Variants in PGM2L1 observed in about 807,000 individuals in gnomAD.
PGM2L1 encodes the protein phosphoglucomutase 2 like 1, also known as glucose 1,6-bisphosphate synthase.
PGM2L1 carries 35 observed loss-of-function variants against 73.4 expected under a neutral mutation model. That is an observed-to-expected ratio of 0.48 (90% CI 0.36 to 0.63). The LOEUF (loss-of-function observed/expected upper bound fraction) is 0.63, where lower values mean the gene tolerates loss of function less well. Among genes scored for constraint, PGM2L1 ranks in the 30% least tolerant of loss-of-function variants. The pLI is 0.00. For missense variants in PGM2L1, 570 were observed against 742.0 expected, an observed-to-expected ratio of 0.77 and a Z score of 2.69; for synonymous variants, 225 against 253.8, an observed-to-expected ratio of 0.89 and a Z score of 1.08.
chr11:74,370,565 A>T (rs763740467), intron 4 of PGM2L1, among the ~76,000 whole-genome samples: 4 of 152,204 alleles, frequency 2.6e-5, no homozygotes, highest in Non-Finnish European at 5.9e-5. Context: ...TTTTACACAC[A>T]TACACACACA....
chr11:74,346,897 G>T, intron 7 of PGM2L1, 68 bp from the exon 8 acceptor site: 1 of 1,236,524 alleles, frequency 8.1e-7, no homozygotes, highest in Non-Finnish European at 1.2e-6. Context: ...GTTCCTGTAT[G>T]TAGGCACAAT....
At chr11:74,346,270 C>CAAAAAAAAAAAAAAAAAAAAAA (rs751742460) in intron 8 of PGM2L1, among the ~76,000 whole-genome samples, 3 of 57,876 alleles carry the variant, frequency 5.2e-5, no homozygotes, top group Admixed American at 2.6e-4. Context: ...ACTATGTCTC[C>CAAAAAAAAAAAAAAAAAAAAAA]AAAAAAAAAA....
intron 1 of PGM2L1, among the ~76,000 whole-genome samples, chr11:74,377,355 G>C (rs549326873): frequency 1.3e-5 from 2 of 151,978 alleles, no homozygotes; most frequent in Non-Finnish European, 2.9e-5. Context: ...GGATGGTCTC[G>C]ATCTCCTGAC....
At chr11:74,353,186 G>T (rs604998) in intron 5 of PGM2L1, among the ~76,000 whole-genome samples, 8,448 of 149,036 alleles carry the variant, frequency 0.057, 771 homozygotes, top group African/African-American at 0.19. Flanking sequence ...GTTTTTTTGT[G>T]TGTGTGTGTG....
intron 1 of PGM2L1, among the ~76,000 whole-genome samples, chr11:74,388,476 C>T (rs911764124): frequency 1.3e-5 from 2 of 151,812 alleles, no homozygotes; most frequent in African/African-American, 4.8e-5. Flanking sequence ...TTTATTTATT[C>T]ATGGACACTT....
chr11:74,333,146 A>C lies in PGM2L1; in HGVS notation c.*3506T>G, dbSNP rs1862039206. ...GTGCTGGAAAGAAGGACCCTTAAAA[A>C]GTCATCTGTATATCTCTTAATTTTT... On this transcript the variant is annotated 3_prime_UTR_variant, in exon 14 of 14. Transcript: ENST00000298198. The C allele has an allele frequency of 6.6e-6, 1 of 152,178 alleles. No individual in the cohort carries two copies. The highest frequency in any genetic ancestry group is 1.5e-5 in the Non-Finnish European group (1 of 68,026). 9.4% of individuals were successfully genotyped at this position (152,178 alleles called of 1,614,324 possible).
At chr11:74,380,475 A>G (rs1232331514) in intron 1 of PGM2L1, among the ~76,000 whole-genome samples, 1 of 152,188 alleles carries the variant, frequency 6.6e-6, no homozygotes, top group African/African-American at 2.4e-5. Context: ...TGAATATAAA[A>G]TATACTCATC....
chr11:74,347,265 C>T lies in PGM2L1; in HGVS notation c.822G>A (p.Gln274=), dbSNP rs746199127. Reference sequence around the variant, plus strand: ...TAAAACCAAACACTTTAAAAGCCAACTGCACATAGTCATGTCCGACCCCAT... The same window carrying T: ...TAAAACCAAACACTTTAAAAGCCAATTGCACATAGTCATGTCCGACCCCAT... ...SFHGVGHDYV[Q]LAFKVFGFKP... The change falls in exon 7 of 14, where the codon CAG becomes CAA. Residue 274 remains glutamine, a synonymous_variant. Coordinates refer to ENST00000298198, the MANE Select transcript of PGM2L1 (RefSeq NM_173582.6). The T allele has an allele frequency of 2.5e-6, 4 of 1,613,222 alleles. No individual in the cohort carries two copies. Among genetic ancestry groups the T allele is most frequent in the Non-Finnish European group, 3.4e-6 (4 of 1,179,598 alleles).
Position 74,342,478 on chromosome 11 carries a change from G to A in PGM2L1, c.1615C>T (p.Gln539Ter). Residue 539 changes from glutamine to a stop codon, truncating the protein, a stop_gained, in exon 12 of 14, where the codon CAG (glutamine) becomes TAG (stop). Coordinates refer to ENST00000298198, the MANE Select transcript of PGM2L1 (RefSeq NM_173582.6). LOFTEE classifies it high-confidence loss of function. ...RDVTTGYDSS[Q>*]PNKKSVLPVS... ...GTACTTACTGATTTCTTATTAGGCTGGCTACTGTCATATCCAGTGGTAACG... is the reference window on the plus strand; with the variant it reads ...GTACTTACTGATTTCTTATTAGGCTAGCTACTGTCATATCCAGTGGTAACG... The A allele has an allele frequency of 6.7e-7, 1 of 1,488,616 alleles. No individual in the cohort carries two copies. Among genetic ancestry groups the A allele is most frequent in the Non-Finnish European group, 8.9e-7 (1 of 1,117,332 alleles). 92.2% of individuals were successfully genotyped at this position (1,488,616 alleles called of 1,614,324 possible). A position where few individuals can be genotyped will look rare whatever the true frequency, so the allele number is the denominator to read the frequency against.
At chr11:74,349,511 C>G (rs1012989175) in intron 6 of PGM2L1, among the ~76,000 whole-genome samples, 2 of 152,114 alleles carry the variant, frequency 1.3e-5, no homozygotes, top group African/African-American at 4.8e-5. Flanking sequence ...GCAAGGAAAA[C>G]AAAGTTATCT....
At chr11:74,350,865 G>A (rs759251400) in intron 6 of PGM2L1, among the ~76,000 whole-genome samples, 14 of 151,682 alleles carry the variant, frequency 9.2e-5, no homozygotes, top group African/African-American at 2.4e-4. Context: ...TGACAAGAGC[G>A]AGACTCTGTC....
chr11:74,351,327 C>T lies in PGM2L1; in HGVS notation c.749+56G>A, dbSNP rs1862349136. ...AACACTTTTTATCACTTTTTATTCTCCTCATTCTTTAACGTTATTCTGAAG... is the reference window on the plus strand; with the variant it reads ...AACACTTTTTATCACTTTTTATTCTTCTCATTCTTTAACGTTATTCTGAAG... On this transcript the variant is annotated intron_variant, in intron 6 of 13. Coordinates refer to ENST00000298198, the MANE Select transcript of PGM2L1 (RefSeq NM_173582.6). The T allele has an allele frequency of 3.5e-5, 52 of 1,474,178 alleles. 1 individual carries two copies. The highest frequency in any genetic ancestry group is 4.7e-5 in the Non-Finnish European group (51 of 1,076,822). The allele number at this position is 1,474,178 out of a possible 1,614,324, so 91.3% of individuals were successfully genotyped here. A position where few individuals can be genotyped will look rare whatever the true frequency, so the allele number is the denominator to read the frequency against.
At chr11:74,368,066 G>A (rs1216948969) in intron 5 of PGM2L1, among the ~76,000 whole-genome samples, 2 of 152,160 alleles carry the variant, frequency 1.3e-5, no homozygotes, top group African/African-American at 4.8e-5. Context: ...CTGTCACAGA[G>A]GCTGACCCAT....
chr11:74,353,986 C>T (rs1425959566), intron 5 of PGM2L1, among the ~76,000 whole-genome samples: 1 of 151,886 alleles, frequency 6.6e-6, no homozygotes, highest in Non-Finnish European at 1.5e-5. Flanking sequence ...TGAAAGCTCA[C>T]GTGAAAATTT....
chr11:74,382,296 T>C (rs1187922942), intron 1 of PGM2L1, among the ~76,000 whole-genome samples: 3 of 152,200 alleles, frequency 2.0e-5, no homozygotes, highest in South Asian at 2.1e-4. Flanking sequence ...GCAGTGATGC[T>C]GACTGTAGGC....
chr11:74,367,215 C>T (rs932344159), intron 5 of PGM2L1, among the ~76,000 whole-genome samples: 4 of 152,128 alleles, frequency 2.6e-5, no homozygotes, highest in African/African-American at 9.7e-5. Context: ...GAATCAAGAA[C>T]TCTGTTCTAG....
intron 1 of PGM2L1, among the ~76,000 whole-genome samples, chr11:74,395,548 GCTTTTT>G (rs1259005918): frequency 1.5e-5 from 1 of 66,194 alleles, no homozygotes; most frequent in Non-Finnish European, 2.7e-5. Context: ...ACCTCGCCTG[GCTTTTT>G]TTTTTTTTTT....
chr11:74,379,156 C>T (rs748384359), intron 1 of PGM2L1, among the ~76,000 whole-genome samples: 3 of 152,192 alleles, frequency 2.0e-5, no homozygotes, highest in Non-Finnish European at 2.9e-5. Context: ...ATCTGCTCCA[C>T]TTCTGGTGAG....
intron 1 of PGM2L1, among the ~76,000 whole-genome samples, chr11:74,393,190 C>T (rs577302740): frequency 1.3e-5 from 2 of 152,188 alleles, no homozygotes; most frequent in East Asian, 3.9e-4. Flanking sequence ...AGTAATAAAG[C>T]CATATGTGTA....
Sources: allele counts gnomAD v4.1 joint callset (sites outside exome capture counted in the v4.1 genomes callset), GRCh38; gene constraint gnomAD v4.1.1; transcripts MANE v1.5; gene names NCBI Gene and HGNC (gene_info 2026-07-23, HGNC 2026-07-21).